PHKB: variants seen among roughly 807,000 people sequenced by gnomAD.
The protein encoded by PHKB is phosphorylase kinase regulatory subunit beta.
A neutral mutation model predicts 152.1 loss-of-function variants in PHKB; 122 were observed. The observed-to-expected ratio is 0.80, with a 90% confidence interval of 0.69 to 0.93. The LOEUF (loss-of-function observed/expected upper bound fraction) is 0.93. Among genes scored for constraint, PHKB ranks in the 40% least tolerant of loss-of-function variants. PHKB has a pLI of 0.00. For missense variants in PHKB, 1,304 were observed against 1,328.4 expected (o/e 0.98, Z 0.29); for synonymous variants, 436 against 464.9 (o/e 0.94, Z 0.80).
intron 28 of PHKB, among the ~76,000 whole-genome samples, chr16:47,694,385 C>A (rs1416914766): frequency 6.6e-6 from 1 of 152,116 alleles, no homozygotes; most frequent in Non-Finnish European, 1.5e-5. Context: ...ATAAAGTATT[C>A]TCAAAGGCAC....
intron 1 of PHKB, among the ~76,000 whole-genome samples, chr16:47,466,622 A>C (rs1969673341): frequency 6.6e-6 from 1 of 152,012 alleles, no homozygotes; most frequent in African/African-American, 2.4e-5. Flanking sequence ...GAGTCTTTTC[A>C]TTTACTTGTT....
At chr16:47,632,814 C>T (rs181536442) in intron 14 of PHKB, among the ~76,000 whole-genome samples, 83 of 152,258 alleles carry the variant, frequency 5.5e-4, no homozygotes, top group African/African-American at 1.9e-3. Flanking sequence ...TTATAGCCCC[C>T]AGCTGCAAAT....
At chr16:47,695,430 T>C (rs4966454) in intron 28 of PHKB, among the ~76,000 whole-genome samples, 55,181 of 152,120 alleles carry the variant, frequency 0.36, 11,873 homozygotes, top group East Asian at 0.75. Flanking sequence ...ATTAATAATA[T>C]GTTGGATTAT....
At chr16:47,540,705 C>T (rs185473614) in intron 6 of PHKB, among the ~76,000 whole-genome samples, 118 of 151,908 alleles carry the variant, frequency 7.8e-4, no homozygotes, top group Non-Finnish European at 4.9e-4. Context: ...ACAGGTTCCC[C>T]CGAGAAATAA....
At chr16:47,645,007 A>G (rs975785840) in intron 16 of PHKB, among the ~76,000 whole-genome samples, 3 of 152,246 alleles carry the variant, frequency 2.0e-5, no homozygotes, top group Non-Finnish European at 4.4e-5. Context: ...AAGGGGCAAT[A>G]CTCTTAATAT....
At chr16:47,539,659 G>C (rs1030249550) in intron 6 of PHKB, among the ~76,000 whole-genome samples, 1 of 152,078 alleles carries the variant, frequency 6.6e-6, no homozygotes, top group African/African-American at 2.4e-5. Context: ...TATAATAATT[G>C]TTGCAGGAAG....
intron 6 of PHKB, 89 bp from the exon 7 acceptor site, chr16:47,547,344 A>C: frequency 1.3e-6 from 1 of 781,554 alleles, no homozygotes; most frequent in Non-Finnish European, 2.2e-6. Context: ...CAGCCTCCCA[A>C]ATTGCTGGGA....
intron 13 of PHKB, among the ~76,000 whole-genome samples, chr16:47,602,631 G>C (rs1052611350): frequency 6.8e-6 from 1 of 148,144 alleles, no homozygotes; most frequent in African/African-American, 2.5e-5. Flanking sequence ...TTAGGAATCA[G>C]ACAGTCCAGG....
intron 6 of PHKB, among the ~76,000 whole-genome samples, chr16:47,517,843 A>T (rs1183790332): frequency 6.6e-6 from 1 of 152,146 alleles, no homozygotes; most frequent in Non-Finnish European, 1.5e-5. Flanking sequence ...AATTATCAAT[A>T]GCCTTCAATA....
chr16:47,608,216 CTTTT>C (rs1972362763), intron 13 of PHKB, among the ~76,000 whole-genome samples: 1 of 152,046 alleles, frequency 6.6e-6, no homozygotes, highest in African/African-American at 2.4e-5. Flanking sequence ...CTCTTTACTT[CTTTT>C]ATCACTTTTG....
intron 6 of PHKB, among the ~76,000 whole-genome samples, chr16:47,535,417 A>G (rs1970935104): frequency 6.6e-6 from 1 of 152,128 alleles, no homozygotes. Flanking sequence ...TCCTTATCTA[A>G]TTTCTCCATA....
intron 10 of PHKB, among the ~76,000 whole-genome samples, chr16:47,591,405 T>C (rs1972026711): frequency 6.6e-6 from 1 of 152,192 alleles, no homozygotes; most frequent in African/African-American, 2.4e-5. Flanking sequence ...TCCATTTACA[T>C]TACTGAGTCG....
chr16:47,698,445 T>C lies in PHKB; in HGVS notation c.3004-3T>C, dbSNP rs1015779460. The C allele has an allele frequency of 6.2e-7, 1 of 1,607,968 alleles. No homozygotes were observed. Among genetic ancestry groups the C allele is most frequent in the Non-Finnish European group, 8.5e-7 (1 of 1,174,586 alleles). ...GTTGGCTTTCAATGTCTGTCTCTTC[T>C]AGTTACTTATGGTTGTATCCATTGT... On this transcript the variant is annotated splice_polypyrimidine_tract_variant and splice_region_variant and intron_variant, in intron 29 of 30. Transcript: ENST00000323584.
chr16:47,575,389 A>T (rs1971732510), intron 7 of PHKB, among the ~76,000 whole-genome samples: 1 of 152,204 alleles, frequency 6.6e-6, no homozygotes, highest in Non-Finnish European at 1.5e-5. Context: ...TATCAAAAAG[A>T]TAACCTGTAC....
intron 6 of PHKB, among the ~76,000 whole-genome samples, chr16:47,544,055 T>C (rs1382883779): frequency 2.0e-5 from 3 of 152,182 alleles, no homozygotes; most frequent in Non-Finnish European, 2.9e-5. Flanking sequence ...GATTCATTGA[T>C]TTTTTGAAGG....
intron 26 of PHKB, chr16:47,676,124 G>T (rs1463109205): frequency 6.6e-6 from 1 of 152,044 alleles, no homozygotes; most frequent in East Asian, 1.9e-4. Flanking sequence ...GTCCCTGGAA[G>T]GTTTTTAGTT....
intron 14 of PHKB, among the ~76,000 whole-genome samples, chr16:47,636,243 A>G (rs1004682304): frequency 2.0e-5 from 3 of 152,262 alleles, no homozygotes; most frequent in Non-Finnish European, 2.9e-5. Context: ...GGTCAAGACC[A>G]GAAATATAAA....
At chr16:47,497,332 TA>T (rs1381562906) in intron 1 of PHKB, 66 bp from the exon 2 acceptor site, 3 of 965,478 alleles carry the variant, frequency 3.1e-6, no homozygotes, top group Non-Finnish European at 4.9e-6. Flanking sequence ...TTCATTTGTT[TA>T]GAGTTTTTCT....
intron 1 of PHKB, among the ~76,000 whole-genome samples, chr16:47,478,900 T>G (rs1969917065): frequency 6.6e-6 from 1 of 152,180 alleles, no homozygotes; most frequent in Non-Finnish European, 1.5e-5. Flanking sequence ...GAAATGACCT[T>G]GTCCAGAATA....
Sources: gnomAD v4.1 joint callset for allele counts (sites outside exome capture counted in the v4.1 genomes callset) on GRCh38, gnomAD v4.1.1 for gene constraint, MANE v1.5 for transcripts, NCBI Gene and HGNC (gene_info 2026-07-23, HGNC 2026-07-21) for gene names.